The following EFR3A variants were observed in gnomAD, a reference collection of about 807,000 sequenced individuals.
The protein encoded by EFR3A is EFR3 homolog A, also known as protein EFR3 homolog A.
Under a neutral mutation model 104.4 loss-of-function variants are expected in EFR3A, and 76 were observed. That is an observed-to-expected ratio of 0.73 (90% CI 0.60 to 0.88). The LOEUF (loss-of-function observed/expected upper bound fraction) is 0.88. Ranked by LOEUF, EFR3A falls within the 40% of genes least tolerant of loss-of-function variation. The pLI, the probability that EFR3A is intolerant of heterozygous loss-of-function variation, is 0.00. For missense variants in EFR3A, 985 were observed against 1,012.5 expected (o/e 0.97, Z 0.37); for synonymous variants, 330 against 330.0 (o/e 1.00, Z 0.00).
chr8:131,955,095 G>A (rs1818912213), intron 6 of EFR3A, among the ~76,000 whole-genome samples: 2 of 152,078 alleles, frequency 1.3e-5, no homozygotes, highest in South Asian at 4.1e-4. Flanking sequence ...AGGATCACTA[G>A]CTAGTTGGGA....
chr8:131,968,499 C>T (rs961825358), intron 9 of EFR3A, 69 bp downstream of exon 9: 17 of 1,450,374 alleles, frequency 1.2e-5, no homozygotes, highest in Non-Finnish European at 1.4e-5. Context: ...GTATGCATAG[C>T]AGTGTATGAA....
chr8:132,013,091 G>GTGTA lies in EFR3A; in HGVS notation c.*2199_*2200insATGT, dbSNP rs1822431971. On this transcript the variant is annotated 3_prime_UTR_variant, in exon 23 of 23. Coordinates refer to ENST00000254624, the MANE Select transcript of EFR3A (RefSeq NM_015137.6). The stretch of plus-strand genomic sequence containing the variant: ...TCTGCAGGAACTGGGTGTGCACACG[G>GTGTA]TGTTGTAGCCAGTTCAGGTACTGAA... The GTGTA allele has an allele frequency of 6.6e-6, 1 of 152,186 alleles. No individual in the cohort carries two copies. The highest frequency in any genetic ancestry group is 2.4e-5 in the African/African-American group (1 of 41,442). 9.4% of individuals were successfully genotyped at this position (152,186 alleles called of 1,614,324 possible).
intron 1 of EFR3A, among the ~76,000 whole-genome samples, chr8:131,939,192 T>C (rs1818047002): frequency 6.6e-6 from 1 of 152,128 alleles, no homozygotes; most frequent in African/African-American, 2.4e-5. Flanking sequence ...TTAATTCTTA[T>C]TATTATGAAG....
At chr8:131,910,257 A>G (rs1432126376) in intron 1 of EFR3A, among the ~76,000 whole-genome samples, 1 of 152,162 alleles carries the variant, frequency 6.6e-6, no homozygotes, top group African/African-American at 2.4e-5. Context: ...ACTTGAAGCA[A>G]AAACAGCTGC....
chr8:131,965,963 A>C (rs1819696151), intron 8 of EFR3A, among the ~76,000 whole-genome samples: 2 of 152,278 alleles, frequency 1.3e-5, no homozygotes, highest in African/African-American at 4.8e-5. Flanking sequence ...TCGCAAGGAC[A>C]AAAAACCAAA....
chr8:131,948,996 CTAGA>C (rs996840847), intron 4 of EFR3A, among the ~76,000 whole-genome samples: 2 of 151,926 alleles, frequency 1.3e-5, no homozygotes, highest in Non-Finnish European at 1.5e-5. Context: ...AGAAATTGTG[CTAGA>C]TACTTTTTAT....
Position 131,946,712 on chromosome 8 carries a change from C to A in EFR3A, c.366+79C>A, listed in dbSNP as rs146850507. 6,318 of 1,334,414 alleles carry A rather than the reference C, an allele frequency of 4.7e-3. 27 individuals are homozygous for A. Among genetic ancestry groups the A allele is most frequent in the Non-Finnish European group, 5.1e-3 (5,145 of 1,017,122 alleles). The allele number at this position is 1,334,414 out of a possible 1,614,324, so 82.7% of individuals were successfully genotyped here. A position where few individuals can be genotyped will look rare whatever the true frequency, so the allele number is the denominator to read the frequency against. ...TAATTACTTCTTAGAATGACTTTAC[C>A]TGGTAAAGGCAAATTCCCTGAATAG... On this transcript the variant is annotated intron_variant, in intron 4 of 22. Coordinates refer to ENST00000254624, the MANE Select transcript of EFR3A (RefSeq NM_015137.6).
rs183724427 is a variant in EFR3A at position 131,990,483 on chromosome 8, C to G, written c.2065+2781C>G. 6.7e-3 allele frequency among the ~76,000 whole-genome samples: 1,020 copies of G among 152,254 alleles called. 4 individuals carry two copies. Among genetic ancestry groups the G allele is most frequent in the Middle Eastern group, 0.017 (5 of 294 alleles). On this transcript the variant is annotated intron_variant, in intron 18 of 22. Transcript: ENST00000254624. ...TGTGAAGGAATGAGGTAGGCAAGAA[C>G]AGGATTTGTTCCGTGAATTAATATA...
Position 131,979,015 on chromosome 8 carries a change from A to G in EFR3A, c.1495A>G (p.Ile499Val), listed in dbSNP as rs746778825. 1 of 1,605,074 alleles carries G rather than the reference A, an allele frequency of 6.2e-7. No individual in the cohort carries two copies. Among genetic ancestry groups the G allele is most frequent in the Non-Finnish European group, 8.5e-7 (1 of 1,176,644 alleles). Residue 499 changes from isoleucine (I) to valine (V), a missense_variant, in exon 13 of 23, where the codon ATC becomes GTC. Coordinates refer to ENST00000254624, the MANE Select transcript of EFR3A (RefSeq NM_015137.6). ...RHDNRAKLRG[I>V]RIIPDVADLK... The stretch of plus-strand genomic sequence containing the variant: ...TGACAATAGGGCAAAGCTTCGAGGG[A>G]TCAGGTAATGTGCCATTTTGAAATG...
At chr8:132,009,324 A>G (rs897471561) in intron 22 of EFR3A, among the ~76,000 whole-genome samples, 3 of 152,094 alleles carry the variant, frequency 2.0e-5, no homozygotes, top group Non-Finnish European at 4.4e-5. Flanking sequence ...CATAGATGTC[A>G]GTTTTCTGTA....
intron 1 of EFR3A, among the ~76,000 whole-genome samples, chr8:131,929,418 C>A (rs1586551963): frequency 6.6e-6 from 1 of 152,144 alleles, no homozygotes; most frequent in African/African-American, 2.4e-5. Flanking sequence ...CTCCCTTTGC[C>A]TGGGAATAAT....
At chr8:131,958,457 A>G (rs1299641059) in intron 7 of EFR3A, among the ~76,000 whole-genome samples, 2 of 151,968 alleles carry the variant, frequency 1.3e-5, no homozygotes, top group East Asian at 1.9e-4. Flanking sequence ...TCTGCCTTCT[A>G]CTCTTCATTC....
chr8:131,924,499 A>C (rs1478694298), intron 1 of EFR3A, among the ~76,000 whole-genome samples: 1 of 152,144 alleles, frequency 6.6e-6, no homozygotes, highest in Admixed American at 6.5e-5. Flanking sequence ...ATATATTGGC[A>C]TTATATGCTT....
intron 8 of EFR3A, among the ~76,000 whole-genome samples, chr8:131,962,594 C>T (rs1370474161): frequency 1.3e-5 from 2 of 152,056 alleles, no homozygotes; most frequent in African/African-American, 4.8e-5. Flanking sequence ...ACGTAGACTC[C>T]CACACAATAG....
chr8:131,988,448 C>CT (rs912106028), intron 18 of EFR3A, among the ~76,000 whole-genome samples: 4 of 151,666 alleles, frequency 2.6e-5, no homozygotes, highest in Middle Eastern at 3.4e-3. Flanking sequence ...TTGTAAATGG[C>CT]TTTTTTTTAA....
At chr8:131,992,735 A>T (rs1821256363) in intron 18 of EFR3A, among the ~76,000 whole-genome samples, 1 of 152,164 alleles carries the variant, frequency 6.6e-6, no homozygotes, top group Non-Finnish European at 1.5e-5. Flanking sequence ...TAGAAAGCAG[A>T]TATCCCACAG....
At chr8:132,008,126 T>A (rs1247213320) in intron 22 of EFR3A, among the ~76,000 whole-genome samples, 1 of 151,876 alleles carries the variant, frequency 6.6e-6, no homozygotes, top group African/African-American at 2.4e-5. Flanking sequence ...ATTAAAAGAC[T>A]CCAGTAAGAA....
At position 132,011,598 on chromosome 8, in the gene EFR3A, T is replaced by C. The variant is rs894031691; in HGVS notation, c.*703T>C. 4.6e-6 allele frequency: 1 copy of C among 215,558 alleles called. No individual in the cohort carries two copies. The highest frequency in any genetic ancestry group is 8.0e-6 in the Non-Finnish European group (1 of 125,700). The allele number at this position is 215,558 out of a possible 1,614,324, so 13.4% of individuals were successfully genotyped here. A position where few individuals can be genotyped will look rare whatever the true frequency, so the allele number is the denominator to read the frequency against. ...TGCTTGAGAAGTGTAGAGCTTACTC[T>C]TGGAGTACCAAACTGTGCAATATTT... On this transcript the variant is annotated 3_prime_UTR_variant, in exon 23 of 23. Coordinates refer to ENST00000254624, the MANE Select transcript of EFR3A (RefSeq NM_015137.6).
Position 131,968,471 on chromosome 8 carries a change from G to C in EFR3A, c.991+41G>C, listed in dbSNP as rs1464061770. ...TAAAATAAAATAGTGCGTTGATCTG[G>C]TTCAAAGTGTCCTTTCAGTATGCAT... On this transcript the variant is annotated intron_variant, in intron 9 of 22. Transcript: ENST00000254624. The C allele has an allele frequency of 2.5e-6, 4 of 1,598,008 alleles. No individual in the cohort carries two copies. In the African/African-American group the frequency reaches 5.4e-5, roughly 21 times the overall value.
Sources: allele counts gnomAD v4.1 joint callset (sites outside exome capture counted in the v4.1 genomes callset), GRCh38; gene constraint gnomAD v4.1.1; transcripts MANE v1.5; gene names NCBI Gene and HGNC (gene_info 2026-07-23, HGNC 2026-07-21).